Variants in PI4KB observed in about 807,000 individuals in gnomAD.
PI4KB encodes phosphatidylinositol 4-kinase beta.
Under a neutral mutation model 81.4 loss-of-function variants are expected in PI4KB, and 23 were observed. The observed-to-expected ratio is 0.28, with a 90% confidence interval of 0.20 to 0.40. The LOEUF is 0.40. Among genes scored for constraint, PI4KB ranks in the 10% least tolerant of loss-of-function variants. The pLI is 1.00. For missense variants in PI4KB, 651 were observed against 1,036.6 expected, an observed-to-expected ratio of 0.63 and a Z score of 5.11; for synonymous variants, 381 against 406.8, an observed-to-expected ratio of 0.94 and a Z score of 0.76.
At chr1:151,297,572 T>C (rs946038637) in intron 9 of PI4KB, among the ~76,000 whole-genome samples, 1 of 151,424 alleles carries the variant, frequency 6.6e-6, no homozygotes, top group African/African-American at 2.4e-5. Flanking sequence ...AATTTCACCC[T>C]TGTCGTCCAG....
At chr1:151,293,911 C>A in intron 11 of PI4KB, 107 bp downstream of exon 11, 2 of 1,264,974 alleles carry the variant, frequency 1.6e-6, no homozygotes, top group Non-Finnish European at 2.2e-6. Flanking sequence ...TCTGGGAACC[C>A]CCCTCCCTCA....
At position 151,302,281 on chromosome 1, in the gene PI4KB, T is replaced by C. The variant is rs1481497274; in HGVS notation, c.1538A>G (p.Gln513Arg). The C allele has an allele frequency of 9.3e-6, 15 of 1,614,088 alleles. No individual in the cohort carries two copies. The highest frequency in any genetic ancestry group is 1.2e-5 in the Non-Finnish European group (14 of 1,179,952). ...AGDIRRRLSE[Q>R]LAHTPTAFKR... ...GAAGGCTGTCGGGGTATGAGCCAGC[T>C]GTTCCGAAAGGCGCCGGCTGGCAGG... The change falls in exon 7 of 12, where the codon CAG (glutamine) becomes CGG (arginine). Residue 513 changes from glutamine to arginine, a missense_variant. Gln to Arg is a conservative substitution (Grantham distance 43). Transcript: ENST00000368873.
intron 1 of PI4KB, chr1:151,325,027 A>C: frequency 2.5e-6 from 1 of 398,890 alleles, no homozygotes; most frequent in Non-Finnish European, 3.4e-6. Context: ...AGTTTCACTC[A>C]GTCACCCAGG....
intron 5 of PI4KB, 53 bp downstream of exon 5, chr1:151,306,083 G>C: frequency 2.1e-6 from 3 of 1,417,638 alleles, no homozygotes; most frequent in Non-Finnish European, 3.0e-6. Flanking sequence ...TATAGTGAAA[G>C]CTCCTGGAGA....
chr1:151,319,919 A>C (rs1648593048), intron 1 of PI4KB, among the ~76,000 whole-genome samples: 1 of 152,222 alleles, frequency 6.6e-6, no homozygotes, highest in Admixed American at 6.5e-5. Flanking sequence ...CCCTGGATGC[A>C]TATACTTTGG....
chr1:151,307,439 T>G (rs768392783), intron 4 of PI4KB, 135 bp downstream of exon 4: 46 of 631,018 alleles, frequency 7.3e-5, no homozygotes, highest in Non-Finnish European at 1.1e-4. Context: ...AGAGTCATGG[T>G]TGACATATGC....
At position 151,315,980 on chromosome 1, in the gene PI4KB, G is replaced by A. The variant is rs750868780; in HGVS notation, c.502C>T (p.Arg168Cys). Residue 168 changes from arginine (R) to cysteine (C), a missense_variant, in exon 2 of 12, where the codon CGC (arginine) becomes TGC (cysteine). Physicochemically the swap from Arg to Cys is radical, Grantham distance 180. Coordinates refer to ENST00000368873, the MANE Select transcript of PI4KB (RefSeq NM_001369623.2). Reference sequence around the variant, plus strand: ...AGATAGAAGTCCACGTCCTCGTTGCGAAAGCAGAAGAGCCGGTTGCCAATG... The same window carrying A: ...AGATAGAAGTCCACGTCCTCGTTGCAAAAGCAGAAGAGCCGGTTGCCAATG... ...AYIGNRLFCF[R>C]NEDVDFYLPQ... 10 of 1,613,034 alleles carry A rather than the reference G, an allele frequency of 6.2e-6. No homozygotes were observed. Among genetic ancestry groups the A allele is most frequent in the Middle Eastern group, 1.7e-4 (1 of 6,058 alleles).
At chr1:151,307,828 G>A in intron 3 of PI4KB, 27 bp from the exon 4 acceptor site, 1 of 1,537,534 alleles carries the variant, frequency 6.5e-7, no homozygotes, top group Non-Finnish European at 9.0e-7. Context: ...TAAGACAAAA[G>A]ATGGTGAAGA....
chr1:151,321,846 C>T (rs138473077), intron 1 of PI4KB, among the ~76,000 whole-genome samples: 4,358 of 144,418 alleles, frequency 0.03, 180 homozygotes, highest in African/African-American at 0.093. Context: ...GCACTCCAGC[C>T]TGGGCGACAG....
At position 151,292,133 on chromosome 1, in the gene PI4KB, G is replaced by GCTAA. The variant is rs772854646; in HGVS notation, c.*715_*718dup. The GCTAA allele has an allele frequency of 3.5e-4, 53 of 152,406 alleles. No homozygotes were observed. The highest frequency in any genetic ancestry group is 1.3e-3 in the African/African-American group (53 of 41,558). 9.4% of individuals were successfully genotyped at this position (152,406 alleles called of 1,614,324 possible). ...AGAAAACCTGGAAATGACACAAGTG[G>GCTAA]CTAACTAAGGACTTTATTTCAAACA... is the stretch of plus-strand genomic sequence containing the variant. On this transcript the variant is annotated 3_prime_UTR_variant, in exon 12 of 12. Transcript: ENST00000368873.
chr1:151,327,425 G>A (rs1649825576), upstream of PI4KB: 3 of 397,596 alleles, frequency 7.5e-6, no homozygotes, highest in Admixed American at 4.4e-5. Context: ...CTGCGGGGCT[G>A]CCCGCGGCGC....
At chr1:151,306,803 G>A (rs1045659435) in intron 4 of PI4KB, among the ~76,000 whole-genome samples, 1 of 152,188 alleles carries the variant, frequency 6.6e-6, no homozygotes, top group Admixed American at 6.5e-5. Context: ...TGGGCCGGGC[G>A]CGGTGGCTCA....
chr1:151,299,213 CAGTGAGGACCAGGG>C, intron 8 of PI4KB, 140 bp from the exon 9 acceptor site: 1 of 736,384 alleles, frequency 1.4e-6, no homozygotes, highest in Non-Finnish European at 2.2e-6. Flanking sequence ...TCACTTAACC[CAGTGAGGACCAGGG>C]AGTTTGGAAA....
chr1:151,298,840 G>A lies in PI4KB; in HGVS notation c.1983C>T (p.Cys661=), dbSNP rs750028338. The change falls in exon 9 of 12, where the codon TGC becomes TGT. Residue 661 remains cysteine, a synonymous_variant. Coordinates refer to ENST00000368873, the MANE Select transcript of PI4KB (RefSeq NM_001369623.2). ...TGACTTGCAGCAGGTAGCAGACCAA[G>A]CAGTACCCAGCACAACTTTGCACAA... ...RNFVQSCAGY[C]LVCYLLQVKD... is the part of the protein sequence containing the mutation. 3 of 1,614,008 alleles carry A rather than the reference G, an allele frequency of 1.9e-6. No individual in the cohort carries two copies. Among genetic ancestry groups the A allele is most frequent in the Non-Finnish European group, 2.5e-6 (3 of 1,179,938 alleles).
chr1:151,293,853 G>C (rs1454108980), intron 11 of PI4KB, 165 bp downstream of exon 11: 3 of 704,782 alleles, frequency 4.3e-6, no homozygotes, highest in Non-Finnish European at 6.9e-6. Context: ...AGGGTCAGGA[G>C]GAATGTCCTA....
intron 1 of PI4KB, among the ~76,000 whole-genome samples, chr1:151,324,109 C>T (rs1028252244): frequency 6.6e-6 from 1 of 152,068 alleles, no homozygotes; most frequent in Non-Finnish European, 1.5e-5. Context: ...CGCCACCACA[C>T]CTGGCTAATT....
intron 2 of PI4KB, among the ~76,000 whole-genome samples, chr1:151,311,257 T>C (rs916480277): frequency 2.0e-5 from 3 of 148,068 alleles, no homozygotes; most frequent in African/African-American, 7.5e-5. Context: ...ATCTAGGTTG[T>C]GGGGGACGTT....
chr1:151,308,953 T>G, intron 3 of PI4KB, among the ~76,000 whole-genome samples: 1 of 152,178 alleles, frequency 6.6e-6, no homozygotes, highest in East Asian at 1.9e-4. Context: ...CAGGCCTACC[T>G]CTACATGTGC....
chr1:151,306,205 G>A lies in PI4KB; in HGVS notation c.1341C>T (p.Ser447=), dbSNP rs944485166. Reference sequence around the variant, plus strand: ...CATCGTTGTCATAGTTGGGCACAGTGCTGAAGCTGCCAGCTCGCTGCTCAT... The same window carrying A: ...CATCGTTGTCATAGTTGGGCACAGTACTGAAGCTGCCAGCTCGCTGCTCAT... ...ITHEQRAGSF[S]TVPNYDNDDE... The change falls in exon 5 of 12, where the codon AGC becomes AGT. Residue 447 remains serine, a synonymous_variant. Transcript: ENST00000368873. The A allele has an allele frequency of 5.0e-6, 8 of 1,614,036 alleles. No individual in the cohort carries two copies. The Admixed American group carries it at 8.3e-5, about 17-fold the overall frequency.
Sources: allele counts gnomAD v4.1 joint callset (sites outside exome capture counted in the v4.1 genomes callset), GRCh38; gene constraint gnomAD v4.1.1; transcripts MANE v1.5; gene names NCBI Gene and HGNC (gene_info 2026-07-23, HGNC 2026-07-21).